The following RAD51B variants were observed in gnomAD, a reference collection of about 807,000 sequenced individuals.
RAD51B encodes the protein DNA repair protein RAD51 homolog 2.
Under a neutral mutation model 42.2 loss-of-function variants are expected in RAD51B, and 38 were observed. The observed-to-expected ratio is 0.90, with a 90% CI of 0.70 to 1.18. RAD51B has a LOEUF of 1.18. Ranked by LOEUF, RAD51B falls within the 50% of genes most tolerant of loss-of-function variation. The pLI, the probability that RAD51B is intolerant of heterozygous loss-of-function variation, is 0.00. For missense variants in RAD51B, 373 were observed against 400.7 expected (o/e 0.93, Z 0.59); for synonymous variants, 154 against 145.2 (o/e 1.06, Z -0.43).
At chr14:68,433,474 C>T (rs574063143) in intron 9 of RAD51B, among the ~76,000 whole-genome samples, 1 of 151,238 alleles carries the variant, frequency 6.6e-6, no homozygotes, top group East Asian at 1.9e-4. Flanking sequence ...CTAAACTTCT[C>T]TTCTTGCTTT....
At chr14:68,132,092 C>T (rs2077904306) in intron 7 of RAD51B, among the ~76,000 whole-genome samples, 1 of 152,170 alleles carries the variant, frequency 6.6e-6, no homozygotes, top group East Asian at 1.9e-4. Context: ...TTCTGGGCTT[C>T]ACTGCCAAAG....
chr14:68,143,561 A>G (rs889211768), intron 7 of RAD51B, among the ~76,000 whole-genome samples: 1 of 152,244 alleles, frequency 6.6e-6, no homozygotes, highest in Non-Finnish European at 1.5e-5. Context: ...TGTCAAGGCC[A>G]GAACTTTGGC....
chr14:68,521,818 A>C (rs1268049289), intron 10 of RAD51B, among the ~76,000 whole-genome samples: 1 of 152,214 alleles, frequency 6.6e-6, no homozygotes, highest in African/African-American at 2.4e-5. Context: ...GTGGCCATGC[A>C]TCTGACAATT....
Position 68,097,647 on chromosome 14 carries a change from T to C in RAD51B, c.757-194237T>C, listed in dbSNP as rs139969020. Reference sequence around the variant, plus strand: ...CACTAAGAATTCTTCATTGAAGAGATGAAGAAATGAATGAATACAGGGATG... The same window carrying C: ...CACTAAGAATTCTTCATTGAAGAGACGAAGAAATGAATGAATACAGGGATG... On this transcript the variant is annotated intron_variant, in intron 7 of 10. Coordinates refer to ENST00000471583, the MANE Select transcript of RAD51B (RefSeq NM_133510.4). 3.2e-3 allele frequency among the ~76,000 whole-genome samples: 483 copies of C among 152,344 alleles called. 2 individuals carry two copies. The highest frequency in any genetic ancestry group is 0.011 in the African/African-American group (461 of 41,582).
At chr14:68,246,267 GTC>G (rs1466735174) in intron 7 of RAD51B, among the ~76,000 whole-genome samples, 1 of 151,672 alleles carries the variant, frequency 6.6e-6, no homozygotes, top group Non-Finnish European at 1.5e-5. Flanking sequence ...GATTAGATCT[GTC>G]TCTGTGGCCT....
rs569994922 is a variant in RAD51B at position 68,333,168 on chromosome 14, C to T, written c.853+41188C>T. On this transcript the variant is annotated intron_variant, in intron 8 of 10. Coordinates refer to ENST00000471583, the MANE Select transcript of RAD51B (RefSeq NM_133510.4). ...TCCCCTTGACCCAGTTGGGGCCATC[C>T]CGGGACTCCTGTAACCTAGGACCTT... is the stretch of plus-strand genomic sequence containing the variant. Among the ~76,000 whole-genome samples the T allele has an allele frequency of 5.9e-5, 9 of 152,262 alleles. No homozygotes were observed. The South Asian group carries it at 1.9e-3, about 32-fold the overall frequency.
intron 6 of RAD51B, 38 bp from the exon 7 acceptor site, chr14:67,886,983 T>G: frequency 1.5e-6 from 2 of 1,292,480 alleles, no homozygotes; most frequent in South Asian, 1.5e-5. Context: ...TATTTTATCT[T>G]AAATTTATTG....
At chr14:68,045,582 T>G (rs556279928) in intron 7 of RAD51B, among the ~76,000 whole-genome samples, 1 of 152,290 alleles carries the variant, frequency 6.6e-6, no homozygotes, top group Admixed American at 6.5e-5. Context: ...ATAACTTAAT[T>G]TAGATTTCAT....
chr14:68,190,001 G>C (rs2079231161), intron 7 of RAD51B, among the ~76,000 whole-genome samples: 1 of 151,984 alleles, frequency 6.6e-6, no homozygotes, highest in South Asian at 2.1e-4. Context: ...TATTCCTTTT[G>C]AAAGATGCTT....
rs568119224 is a variant in RAD51B at position 67,975,003 on chromosome 14, G to A, written c.756+87799G>A. On this transcript the variant is annotated intron_variant, in intron 7 of 10. Transcript: ENST00000471583. ...TTTTGGTTTCTCTCCCACTTTTGGAGAGTTGATATCTGCTTTGCTGGCTTC... is the reference window on the plus strand; with the variant it reads ...TTTTGGTTTCTCTCCCACTTTTGGAAAGTTGATATCTGCTTTGCTGGCTTC... Among the ~76,000 whole-genome samples, 6 of 152,202 alleles carry A rather than the reference G, an allele frequency of 3.9e-5. No individual in the cohort carries two copies. The East Asian group carries it at 1.2e-3, about 29-fold the overall frequency.
chr14:67,931,282 A>G (rs1250998701), intron 7 of RAD51B, among the ~76,000 whole-genome samples: 1 of 151,882 alleles, frequency 6.6e-6, no homozygotes, highest in Non-Finnish European at 1.5e-5. Flanking sequence ...TGCTTGGTTT[A>G]GTCTATTGTT....
chr14:67,900,812 A>T (rs10133485), intron 7 of RAD51B, among the ~76,000 whole-genome samples: 9,492 of 152,154 alleles, frequency 0.062, 709 homozygotes, highest in African/African-American at 0.18. Context: ...TTAGTTTTAT[A>T]TCTGATACCA....
chr14:68,396,812 G>A (rs1406524311), intron 8 of RAD51B, among the ~76,000 whole-genome samples: 9 of 152,168 alleles, frequency 5.9e-5, no homozygotes, highest in Non-Finnish European at 1.3e-4. Context: ...GAAAATGAAT[G>A]GGATGTCCAG....
intron 11 of RAD51B, among the ~76,000 whole-genome samples, chr14:68,673,392 T>C (rs1450507650): frequency 2.4e-5 from 3 of 123,842 alleles, no homozygotes; most frequent in African/African-American, 7.5e-5. Context: ...AATATATACA[T>C]GCACACACAT....
intron 7 of RAD51B, among the ~76,000 whole-genome samples, chr14:68,288,379 C>T (rs2081453549): frequency 6.6e-6 from 1 of 152,162 alleles, no homozygotes; most frequent in Non-Finnish European, 1.5e-5. Flanking sequence ...GGTGATTTGG[C>T]TTTAAGACAT....
intron 7 of RAD51B, among the ~76,000 whole-genome samples, chr14:68,226,698 C>T (rs777653606): frequency 6.6e-5 from 10 of 152,136 alleles, no homozygotes; most frequent in African/African-American, 9.7e-5. Context: ...TCTTTATTAG[C>T]GCATGAGAAC....
intron 10 of RAD51B, among the ~76,000 whole-genome samples, chr14:68,579,960 G>A (rs965387921): frequency 2.6e-5 from 4 of 152,252 alleles, no homozygotes; most frequent in Admixed American, 6.5e-5. Context: ...AGAAGGAGAA[G>A]GTGTGGGAGG....
At chr14:68,461,321 C>T (rs2085838869) in intron 9 of RAD51B, among the ~76,000 whole-genome samples, 1 of 122,498 alleles carries the variant, frequency 8.2e-6, no homozygotes, top group African/African-American at 3.3e-5. Flanking sequence ...TTGAATCATG[C>T]AATATCCATG....
rs117262167 is a variant in RAD51B, at chr14:68,131,790, G to A, written c.757-160094G>A. 2.0e-4 allele frequency among the ~76,000 whole-genome samples: 30 copies of A among 152,258 alleles called. No homozygotes were observed. In the East Asian group the frequency reaches 3.3e-3, roughly 17 times the overall value. On this transcript the variant is annotated intron_variant, in intron 7 of 10. Transcript: ENST00000471583. ...TGTTTGACTGCCATGTGTTCACAAA[G>A]ATTTTTGATAAATGTTCATTTAGGA... is the stretch of plus-strand genomic sequence containing the variant.
Sources: gnomAD v4.1 joint callset for allele counts (sites outside exome capture counted in the v4.1 genomes callset) on GRCh38, gnomAD v4.1.1 for gene constraint, MANE v1.5 for transcripts, NCBI Gene and HGNC (gene_info 2026-07-23, HGNC 2026-07-21) for gene names.